Variants in GATA3 observed in about 807,000 individuals in gnomAD.
GATA3 encodes the protein GATA binding protein 3.
A neutral mutation model predicts 36.0 loss-of-function variants in GATA3; 6 were observed. That is an observed-to-expected ratio of 0.17 (90% CI 0.09 to 0.33). The LOEUF (loss-of-function observed/expected upper bound fraction) is 0.33. Among genes scored for constraint, GATA3 ranks in the 10% least tolerant of loss-of-function variants. GATA3 has a pLI of 1.00. For synonymous variants in GATA3, 326 were observed against 273.0 expected (o/e 1.19, Z -1.92); for missense variants, 514 against 610.1 (o/e 0.84, Z 1.66).
intron 4 of GATA3, among the ~76,000 whole-genome samples, chr10:8,068,678 G>A (rs144964375): frequency 0.021 from 3,140 of 152,314 alleles, 42 homozygotes; most frequent in South Asian, 0.041. Context: ...GCTTCAAGCC[G>A]TGAGGTGGAG....
At chr10:8,054,658 C>CTTAA (rs1048842554), upstream of GATA3, 1 of 151,810 alleles carries the variant, frequency 6.6e-6, no homozygotes, top group African/African-American at 2.4e-5. This position sits in a 1 kb window ranked among gnomAD's most constrained non-coding sequence, Gnocchi z 4.2. Flanking sequence ...CTAGAACCTC[C>CTTAA]TTAAGTTGCG....
At chr10:8,051,172 C>T, upstream of GATA3, 1 of 483,786 alleles carries the variant, frequency 2.1e-6, no homozygotes, top group Non-Finnish European at 4.3e-6. Flanking sequence ...GAGGGACTTG[C>T]ACGTGGGCAT....
upstream of GATA3, chr10:8,053,094 T>A (rs1213602395): frequency 2.0e-5 from 3 of 152,192 alleles, no homozygotes; most frequent in Non-Finnish European, 4.4e-5. The surrounding 1 kb of genome is among the most constrained non-coding windows in gnomAD (Gnocchi z 5.1). Flanking sequence ...ACAGGGATAG[T>A]GTTTTAAAAC....
At chr10:8,049,869 G>A (rs1400210774), upstream of GATA3, among the ~76,000 whole-genome samples, 1 of 152,154 alleles carries the variant, frequency 6.6e-6, no homozygotes, top group Non-Finnish European at 1.5e-5. Context: ...TGGGGACCCG[G>A]GGCTAAGGAG....
At chr10:8,071,354 A>C (rs1377223577) in intron 5 of GATA3, among the ~76,000 whole-genome samples, 1 of 152,194 alleles carries the variant, frequency 6.6e-6, no homozygotes, top group African/African-American at 2.4e-5. Flanking sequence ...GAGTATAACA[A>C]AATTGTAACA....
At position 8,055,155 on chromosome 10, in the gene GATA3, G is replaced by T; in HGVS notation, c.-369-132G>T. On this transcript the variant is annotated intron_variant, in intron 1 of 5. Transcript: ENST00000379328. The surrounding 1 kb of genome is among the most constrained non-coding windows in gnomAD (Gnocchi z 5.4). ...GCAGGGACGTCCCCGAGAGCCCTGC[G>T]GGCTCCGCGGCCGTGTCCCCGCGCT... 4.5e-6 allele frequency: 1 copy of T among 223,366 alleles called. No homozygotes were observed. The highest frequency in any genetic ancestry group is 8.8e-6 in the Non-Finnish European group (1 of 113,236). The allele number at this position is 223,366 out of a possible 1,614,324, so 13.8% of individuals were successfully genotyped here. A position where few individuals can be genotyped will look rare whatever the true frequency, so the allele number is the denominator to read the frequency against.
intron 3 of GATA3, among the ~76,000 whole-genome samples, chr10:8,063,663 T>C (rs1217440646): frequency 6.6e-6 from 1 of 152,174 alleles, no homozygotes; most frequent in Non-Finnish European, 1.5e-5. Context: ...CTCAGGGAAG[T>C]ATTTGTAGCT....
At chr10:8,065,962 TAAAAAA>T (rs66810069) in intron 4 of GATA3, among the ~76,000 whole-genome samples, 2 of 91,088 alleles carry the variant, frequency 2.2e-5, no homozygotes, top group African/African-American at 4.2e-5. Context: ...CTGGCCTTAG[TAAAAAA>T]AAAAAAAAAA....
intron 1 of GATA3, among the ~76,000 whole-genome samples, chr10:8,047,106 G>T (rs1832400973): frequency 6.6e-6 from 1 of 152,214 alleles, no homozygotes; most frequent in African/African-American, 2.4e-5. Flanking sequence ...ACGAGGTGGG[G>T]ACAGTCAGGG....
chr10:8,051,212 C>T (rs567986222), upstream of GATA3: 25 of 438,944 alleles, frequency 5.7e-5, no homozygotes, highest in East Asian at 1.6e-3. Context: ...GTAGCTTAAC[C>T]CCTACCGAGT....
In GATA3 at chr10:8,066,241, C is replaced by T. The variant is rs545029664; in HGVS notation, c.924+2103C>T. On this transcript the variant is annotated intron_variant, in intron 4 of 5. Coordinates refer to ENST00000379328, the MANE Select transcript of GATA3 (RefSeq NM_001002295.2). ...AATTCCATTTTATGCAATTTTATCT[C>T]CACTCACCTTTCATAGGAAATCTCT... 3.9e-5 allele frequency among the ~76,000 whole-genome samples: 6 copies of T among 152,184 alleles called. No homozygotes were observed. In the East Asian group the frequency reaches 1.2e-3, roughly 29 times the overall value.
intron 1 of GATA3, among the ~76,000 whole-genome samples, chr10:8,047,329 T>C (rs1832403864): frequency 6.6e-6 from 1 of 152,066 alleles, no homozygotes; most frequent in African/African-American, 2.4e-5. Flanking sequence ...TGATAAGGAG[T>C]GTGGGGCAGA....
rs1004765920 is a variant in GATA3, at chr10:8,055,888, C to A, written c.233C>A (p.Thr78Asn). ...VRATVQRYPPTHHGSQVCRPP... is the reference protein window; with the variant it reads ...VRATVQRYPPNHHGSQVCRPP... ...GCCACGGTGCAGAGGTACCCTCCGACCCACCACGGTGAGTGCGCCCGGGGT... is the reference window on the plus strand; with the variant it reads ...GCCACGGTGCAGAGGTACCCTCCGAACCACCACGGTGAGTGCGCCCGGGGT... Residue 78 changes from threonine (T) to asparagine (N), a missense_variant, in exon 2 of 6, where the codon ACC (threonine) becomes AAC (asparagine). By Grantham distance (65) the Thr-to-Asn change is moderately conservative. Around this residue, in one of 3 missense-constraint regions of GATA3, gnomAD observed 381 missense variants for 354.3 expected, o/e 1.08. Coordinates refer to ENST00000379328, the MANE Select transcript of GATA3 (RefSeq NM_001002295.2). The surrounding 1 kb of genome is among the most constrained non-coding windows in gnomAD (Gnocchi z 5.4). The A allele has an allele frequency of 1.9e-6, 3 of 1,559,930 alleles. No homozygotes were observed. Among genetic ancestry groups the A allele is most frequent in the Non-Finnish European group, 2.6e-6 (3 of 1,152,116 alleles).
chr10:8,045,344 A>G (rs1052442002), upstream of GATA3: 1 of 152,436 alleles, frequency 6.6e-6, no homozygotes. Flanking sequence ...TACATCGCCC[A>G]GGTTTTACCT....
intron 3 of GATA3, among the ~76,000 whole-genome samples, 177 bp from the exon 4 acceptor site, chr10:8,063,816 A>G (rs1832789112): frequency 6.6e-6 from 1 of 152,310 alleles, no homozygotes; most frequent in African/African-American, 2.4e-5. Context: ...CCAGGACAGC[A>G]TTCCCCAGCT....
chr10:8,048,745 C>T (rs986720605), upstream of GATA3, among the ~76,000 whole-genome samples: 2 of 152,240 alleles, frequency 1.3e-5, no homozygotes, highest in South Asian at 2.1e-4. Context: ...GGGCTCCCCC[C>T]AACTGCCACT....
chr10:8,046,451 AT>A (rs1832388124), intron 1 of GATA3, among the ~76,000 whole-genome samples: 1 of 152,072 alleles, frequency 6.6e-6, no homozygotes, highest in African/African-American at 2.4e-5. Context: ...GCTCACCAGG[AT>A]GCTGGGGTCG....
At position 8,073,894 on chromosome 10, in the gene GATA3, C is replaced by G. The variant is rs765353980; in HGVS notation, c.1206C>G (p.Ser402=). ...FNPAALSRHM[S]SLSHISPFSH... is the part of the protein sequence containing the mutation. ...CGGCCGCCCTCTCCAGACACATGTC[C>G]TCCCTGAGCCACATCTCGCCCTTCA... Residue 402 remains serine, a synonymous_variant, in exon 6 of 6, where the codon TCC becomes TCG. Coordinates refer to ENST00000379328, the MANE Select transcript of GATA3 (RefSeq NM_001002295.2). 7 of 1,614,090 alleles carry G rather than the reference C, an allele frequency of 4.3e-6. No individual in the cohort carries two copies. The highest frequency in any genetic ancestry group is 4.2e-6 in the Non-Finnish European group (5 of 1,180,024).
chr10:8,051,809 G>A, upstream of GATA3, among the ~76,000 whole-genome samples: 1 of 150,664 alleles, frequency 6.6e-6, no homozygotes, highest in Non-Finnish European at 1.5e-5. Flanking sequence ...TCTTGCCGGC[G>A]AGGCGGGTCA....
Sources: gnomAD v4.1 joint callset for allele counts (sites outside exome capture counted in the v4.1 genomes callset) on GRCh38, gnomAD v4.1.1 for gene constraint, gnomAD v4.1.1 regional missense constraint, Gnocchi (gnomAD v3.1) non-coding constraint, MANE v1.5 for transcripts, NCBI Gene and HGNC (gene_info 2026-07-23, HGNC 2026-07-21) for gene names.